ZFAT: variants seen among roughly 807,000 people sequenced by gnomAD.
The protein encoded by ZFAT is zinc finger and AT-hook domain containing.
Under a neutral mutation model 117.7 loss-of-function variants are expected in ZFAT, and 64 were observed. That is an observed-to-expected ratio of 0.54 (90% CI 0.44 to 0.67). ZFAT has a LOEUF of 0.67. ZFAT is among the 30% of genes least tolerant of loss of function. The probability of loss-of-function intolerance (pLI) is 0.00; values close to 1 mark genes in which losing one functional copy is unlikely to be tolerated. For missense variants in ZFAT, 1,433 were observed against 1,584.5 expected (o/e 0.90, Z 1.62); for synonymous variants, 679 against 615.0 (o/e 1.10, Z -1.54).
chr8:134,789,096 T>C, the ZFAT span, among the ~76,000 whole-genome samples: 3 of 152,208 alleles, frequency 2.0e-5, no homozygotes, highest in African/African-American at 7.2e-5. Flanking sequence ...ATTTGTTTTA[T>C]GTCCCTTTTC....
chr8:134,640,985 G>A (rs558338818), intron 2 of ZFAT, among the ~76,000 whole-genome samples: 6 of 151,814 alleles, frequency 4.0e-5, no homozygotes, highest in Non-Finnish European at 7.4e-5. Flanking sequence ...AAACTCTATG[G>A]ACTTTGCCCT....
intron 1 of ZFAT, among the ~76,000 whole-genome samples, chr8:134,696,123 C>T (rs556293648): frequency 4.0e-5 from 6 of 151,872 alleles, no homozygotes; most frequent in South Asian, 2.1e-4. Context: ...AAACAGGCAC[C>T]ACCCTAAGGC....
chr8:134,826,379 G>A, the ZFAT span, among the ~76,000 whole-genome samples: 1 of 152,134 alleles, frequency 6.6e-6, no homozygotes, highest in Non-Finnish European at 1.5e-5. Flanking sequence ...AGAGAAGCTT[G>A]TTTATAAATC....
chr8:134,590,688 CCAACAA>C (rs1402766754), intron 7 of ZFAT, among the ~76,000 whole-genome samples: 3 of 136,244 alleles, frequency 2.2e-5, no homozygotes, highest in African/African-American at 8.0e-5. Context: ...ACCACCACCA[CCAACAA>C]CAACACCACG....
chr8:134,479,765 C>T (rs1286654885), intron 15 of ZFAT, among the ~76,000 whole-genome samples: 2 of 152,226 alleles, frequency 1.3e-5, no homozygotes, highest in East Asian at 3.9e-4. Flanking sequence ...AGCATCAATT[C>T]CACCATTTAT....
intron 3 of ZFAT, among the ~76,000 whole-genome samples, chr8:134,624,463 G>A (rs1374194022): frequency 6.6e-6 from 1 of 151,900 alleles, no homozygotes; most frequent in Non-Finnish European, 1.5e-5. Flanking sequence ...TGAGACCAGC[G>A]TGGCTAACAT....
At chr8:134,671,273 TAC>T (rs1375869350) in intron 1 of ZFAT, among the ~76,000 whole-genome samples, 3 of 152,176 alleles carry the variant, frequency 2.0e-5, no homozygotes, top group Non-Finnish European at 2.9e-5. Context: ...ATCGTCCTGA[TAC>T]CAAAGCCTGG....
intron 1 of ZFAT, among the ~76,000 whole-genome samples, chr8:134,687,303 T>C (rs1180356667): frequency 6.6e-6 from 1 of 152,226 alleles, no homozygotes; most frequent in African/African-American, 2.4e-5. Context: ...GGGTGTTTCT[T>C]TGCTGAAGCT....
chr8:134,796,726 C>T, the ZFAT span: 2 of 152,088 alleles, frequency 1.3e-5, no homozygotes, highest in African/African-American at 4.8e-5. Flanking sequence ...GTTGGACATT[C>T]TTGACAACTG....
chr8:134,805,081 T>C, the ZFAT span: 1 of 291,262 alleles, frequency 3.4e-6, no homozygotes, highest in African/African-American at 2.3e-5. Context: ...ATAAAGTTAA[T>C]GCTAATAATT....
At chr8:134,633,276 A>G (rs1183228028) in intron 3 of ZFAT, among the ~76,000 whole-genome samples, 1 of 152,214 alleles carries the variant, frequency 6.6e-6, no homozygotes, top group Non-Finnish European at 1.5e-5. Flanking sequence ...GAATTAAAAG[A>G]GCTATTAGCT....
intron 15 of ZFAT, among the ~76,000 whole-genome samples, chr8:134,503,056 G>A (rs1424876493): frequency 1.3e-5 from 2 of 152,244 alleles, no homozygotes; most frequent in Non-Finnish European, 2.9e-5. Flanking sequence ...AATGCCTGAT[G>A]TGGACAGAGA....
intron 2 of ZFAT, among the ~76,000 whole-genome samples, chr8:134,641,954 A>C (rs567953733): frequency 6.6e-5 from 10 of 152,354 alleles, no homozygotes; most frequent in African/African-American, 2.4e-4. Context: ...CGTGAACACT[A>C]TGAAAAAATA....
intron 15 of ZFAT, among the ~76,000 whole-genome samples, chr8:134,502,879 G>A (rs1819099017): frequency 1.3e-5 from 2 of 152,228 alleles, no homozygotes; most frequent in African/African-American, 4.8e-5. Context: ...CCTTCCCACT[G>A]AGGCCCCAGC....
intron 11 of ZFAT, among the ~76,000 whole-genome samples, chr8:134,547,810 G>A (rs1341962698): frequency 6.6e-6 from 1 of 152,230 alleles, no homozygotes; most frequent in East Asian, 1.9e-4. Context: ...ATCCTCCAGG[G>A]CCTGGCTCAC....
At chr8:134,774,888 G>A in the ZFAT span, among the ~76,000 whole-genome samples, 3 of 151,590 alleles carry the variant, frequency 2.0e-5, no homozygotes, top group Non-Finnish European at 4.4e-5. Context: ...AAGCCAAGGC[G>A]GGTGGATCAT....
At chr8:134,548,898 A>C (rs1822908817) in intron 11 of ZFAT, among the ~76,000 whole-genome samples, 1 of 152,236 alleles carries the variant, frequency 6.6e-6, no homozygotes, top group Non-Finnish European at 1.5e-5. Flanking sequence ...CCAGTGGAGC[A>C]CTGGGCACTA....
intron 1 of ZFAT, among the ~76,000 whole-genome samples, chr8:134,667,629 C>A (rs904812500): frequency 6.6e-6 from 1 of 151,128 alleles, no homozygotes; most frequent in African/African-American, 2.4e-5. Flanking sequence ...AAGAGGGGGG[C>A]AGCTCCAAGA....
At chr8:134,781,946 T>C in the ZFAT span, among the ~76,000 whole-genome samples, 2 of 152,232 alleles carry the variant, frequency 1.3e-5, no homozygotes, top group African/African-American at 4.8e-5. Flanking sequence ...TAATAGACTA[T>C]TTGTTATCAG....
Sources: gnomAD v4.1 joint callset for allele counts (sites outside exome capture counted in the v4.1 genomes callset) on GRCh38, gnomAD v4.1.1 for gene constraint, MANE v1.5 for transcripts, NCBI Gene and HGNC (gene_info 2026-07-23, HGNC 2026-07-21) for gene names.